Variants in RAB20 observed in about 807,000 individuals in gnomAD.
RAB20 encodes ras-related protein Rab-20.
A neutral mutation model predicts 3.7 loss-of-function variants in RAB20; 2 were observed. That is an observed-to-expected ratio of 0.54 (90% confidence interval 0.22 to 1.69). RAB20 has a LOEUF of 1.69. Among genes scored for constraint, RAB20 ranks in the 40% most tolerant of loss-of-function variants. The probability of loss-of-function intolerance (pLI) is 0.19; values close to 1 mark genes in which losing one functional copy is unlikely to be tolerated. For missense variants in RAB20, 276 were observed against 311.9 expected (o/e 0.88, Z 0.87); for synonymous variants, 126 against 130.8 (o/e 0.96, Z 0.25).
intron 1 of RAB20, among the ~76,000 whole-genome samples, chr13:110,549,953 C>A (rs1246194508): frequency 1.3e-5 from 2 of 152,112 alleles, no homozygotes; most frequent in Admixed American, 6.5e-5. Context: ...TGAACTTCTG[C>A]CCTCAAGTGA....
At chr13:110,546,542 C>T (rs977849299) in intron 1 of RAB20, among the ~76,000 whole-genome samples, 6 of 152,044 alleles carry the variant, frequency 3.9e-5, no homozygotes, top group Admixed American at 2.0e-4. Context: ...AGTAGAAATG[C>T]CTCATTTTTT....
At chr13:110,532,017 T>G (rs116548274) in intron 1 of RAB20, among the ~76,000 whole-genome samples, 1,838 of 152,228 alleles carry the variant, frequency 0.012, 47 homozygotes, top group African/African-American at 0.042. Context: ...CTACCCCAAG[T>G]GTTGTGTCGT....
chr13:110,558,749 A>G (rs1260005583), intron 1 of RAB20, among the ~76,000 whole-genome samples: 3 of 115,488 alleles, frequency 2.6e-5, no homozygotes, highest in African/African-American at 1.0e-4. Flanking sequence ...ACCGGGTTGG[A>G]GTGCAGTGGC....
intron 1 of RAB20, among the ~76,000 whole-genome samples, chr13:110,558,727 T>C (rs1289443363): frequency 4.3e-5 from 5 of 116,784 alleles, no homozygotes; most frequent in African/African-American, 1.7e-4. Flanking sequence ...TGAGACAGAG[T>C]CTCGCTCTGT....
In RAB20 at chr13:110,524,040, G is replaced by T; in HGVS notation, c.330C>A (p.Ile110=). ...CAGTGAGGTCCACTTTGTTCCCCAC[G>T]ATGGCAAAGAGGCAGTCTTTGCTGG... ...DTASKDCLFA[I]VGNKVDLTEE... Residue 110 remains isoleucine (I), a synonymous_variant, in exon 2 of 2, where the codon ATC becomes ATA. Coordinates refer to ENST00000267328, the MANE Select transcript of RAB20 (RefSeq NM_017817.3). The T allele has an allele frequency of 6.2e-7, 1 of 1,614,080 alleles. No homozygotes were observed.
At chr13:110,548,807 C>T (rs370429288) in intron 1 of RAB20, among the ~76,000 whole-genome samples, 3 of 152,122 alleles carry the variant, frequency 2.0e-5, no homozygotes, top group African/African-American at 4.8e-5. Context: ...CCTCAGCTTC[C>T]TCATCTGCAC....
At chr13:110,535,080 C>CG (rs1397301467) in intron 1 of RAB20, among the ~76,000 whole-genome samples, 1 of 152,214 alleles carries the variant, frequency 6.6e-6, no homozygotes, top group Non-Finnish European at 1.5e-5. Context: ...GTGATCCCCC[C>CG]GCTTTGCCCT....
At chr13:110,536,738 G>GGGGGGGGGT (rs1884647744) in intron 1 of RAB20, among the ~76,000 whole-genome samples, 1 of 101,046 alleles carries the variant, frequency 9.9e-6, no homozygotes, top group Non-Finnish European at 1.9e-5. Flanking sequence ...GTGGGGGGGG[G>GGGGGGGGGT]TTGTTTTTAT....
At chr13:110,536,369 G>T (rs1884638966) in intron 1 of RAB20, among the ~76,000 whole-genome samples, 3 of 152,218 alleles carry the variant, frequency 2.0e-5, no homozygotes, top group Admixed American at 6.5e-5. Flanking sequence ...TGGGCGGCAG[G>T]TGGATGGCCT....
rs1325725727 is a variant in RAB20 at position 110,555,253 on chromosome 13, C to T, written c.172+6095G>A. Among the ~76,000 whole-genome samples, 1 of 152,226 alleles carries T rather than the reference C, an allele frequency of 6.6e-6. No individual in the cohort carries two copies. Among genetic ancestry groups the T allele is most frequent in the Non-Finnish European group, 1.5e-5 (1 of 68,044 alleles). On this transcript the variant is annotated intron_variant, in intron 1 of 1. Coordinates refer to ENST00000267328, the MANE Select transcript of RAB20 (RefSeq NM_017817.3). This position sits in a 1 kb window ranked among gnomAD's most constrained non-coding sequence, Gnocchi z 4.0. ...CACCTGCTCTCCCACCACAAACCTCCAACTACTCTAACGCGCCGGAATAGA... is the reference window on the plus strand; with the variant it reads ...CACCTGCTCTCCCACCACAAACCTCTAACTACTCTAACGCGCCGGAATAGA...
At chr13:110,556,690 C>T (rs1246416072) in intron 1 of RAB20, among the ~76,000 whole-genome samples, 1 of 152,038 alleles carries the variant, frequency 6.6e-6, no homozygotes. Flanking sequence ...CGCACCACTA[C>T]ACCTGGCTAA....
At chr13:110,530,128 C>G (rs930809420) in intron 1 of RAB20, among the ~76,000 whole-genome samples, 1 of 150,820 alleles carries the variant, frequency 6.6e-6, no homozygotes, top group African/African-American at 2.4e-5. Flanking sequence ...CCCACCACCC[C>G]ACCTCTACAC....
intron 1 of RAB20, among the ~76,000 whole-genome samples, chr13:110,541,816 C>CCACACACACACACACACACACACACA (rs10624545): frequency 6.7e-6 from 1 of 149,420 alleles, no homozygotes; most frequent in African/African-American, 2.5e-5. Flanking sequence ...GAGTGTCCAG[C>CCACACACACACACACACACACACACA]CACACACACA....
chr13:110,524,704 A>G (rs1381524859), intron 1 of RAB20, among the ~76,000 whole-genome samples: 1 of 152,230 alleles, frequency 6.6e-6, no homozygotes, highest in Non-Finnish European at 1.5e-5. Flanking sequence ...TGCCCTGCCC[A>G]GGAAGTGCTG....
At chr13:110,547,525 T>G (rs1194246236) in intron 1 of RAB20, among the ~76,000 whole-genome samples, 1 of 152,214 alleles carries the variant, frequency 6.6e-6, no homozygotes, top group Admixed American at 6.5e-5. Flanking sequence ...AGTGAATGCA[T>G]ACTTGGAGCA....
intron 1 of RAB20, among the ~76,000 whole-genome samples, chr13:110,535,943 C>G (rs1027386600): frequency 1.3e-5 from 2 of 152,236 alleles, no homozygotes; most frequent in Non-Finnish European, 2.9e-5. Context: ...GTCTTCATCT[C>G]TGGCACCCAT....
At position 110,555,605 on chromosome 13, in the gene RAB20, A is replaced by G. The variant is rs907212478; in HGVS notation, c.172+5743T>C. Among the ~76,000 whole-genome samples, 1 of 152,220 alleles carries G rather than the reference A, an allele frequency of 6.6e-6. No homozygotes were observed. The highest frequency in any genetic ancestry group is 2.4e-5 in the African/African-American group (1 of 41,464). Reference sequence around the variant, plus strand: ...TCAGACTTCTAGTTGAGACAGACAGAGGAACTGTTTCCTCGCAGCTTGGGC... The same window carrying G: ...TCAGACTTCTAGTTGAGACAGACAGGGGAACTGTTTCCTCGCAGCTTGGGC... On this transcript the variant is annotated intron_variant, in intron 1 of 1. Transcript: ENST00000267328. The surrounding 1 kb of genome is among the most constrained non-coding windows in gnomAD (Gnocchi z 4.0).
chr13:110,535,931 A>G (rs1002050972), intron 1 of RAB20, among the ~76,000 whole-genome samples: 1 of 152,260 alleles, frequency 6.6e-6, no homozygotes, highest in South Asian at 2.1e-4. Flanking sequence ...ATATACATTC[A>G]AGTCTTCATC....
At chr13:110,531,266 G>T (rs1183475304) in intron 1 of RAB20, among the ~76,000 whole-genome samples, 2 of 152,328 alleles carry the variant, frequency 1.3e-5, no homozygotes, top group South Asian at 2.1e-4. Context: ...GGGGCCTAGG[G>T]CCCCTTTGAG....
Sources: allele counts gnomAD v4.1 joint callset (sites outside exome capture counted in the v4.1 genomes callset), GRCh38; gene constraint gnomAD v4.1.1; non-coding constraint Gnocchi (gnomAD v3.1); transcripts MANE v1.5; gene names NCBI Gene and HGNC (gene_info 2026-07-23, HGNC 2026-07-21).